WWOX: variants seen among roughly 807,000 people sequenced by gnomAD.
WWOX encodes the protein WW domain-containing oxidoreductase.
WWOX carries 69 observed loss-of-function variants against 46.2 expected under a neutral mutation model. The ratio of observed to expected loss-of-function variants is 1.49; its 90% CI spans 1.23 to 1.82. The LOEUF (loss-of-function observed/expected upper bound fraction) is 1.82. Among genes scored for constraint, WWOX ranks in the 40% most tolerant of loss-of-function variants. The probability of loss-of-function intolerance (pLI) is 0.00; values close to 1 mark genes in which losing one functional copy is unlikely to be tolerated. For synonymous variants in WWOX, 359 were observed against 202.6 expected, an observed-to-expected ratio of 1.77 and a Z score of -6.56; for missense variants, 919 against 542.6, an observed-to-expected ratio of 1.69 and a Z score of -6.89.
chr16:78,572,131 T>C (rs1450710997), intron 8 of WWOX, among the ~76,000 whole-genome samples: 2 of 152,200 alleles, frequency 1.3e-5, no homozygotes, highest in Admixed American at 6.5e-5. Flanking sequence ...GGAATGTTTC[T>C]GGTGCATAAT....
At chr16:78,675,850 T>C (rs764309280) in intron 8 of WWOX, among the ~76,000 whole-genome samples, 9 of 152,008 alleles carry the variant, frequency 5.9e-5, no homozygotes, top group Non-Finnish European at 2.9e-5. Flanking sequence ...TTTTTTTAAA[T>C]CATGACTTTT....
chr16:78,438,736 C>T (rs910061945), intron 8 of WWOX, among the ~76,000 whole-genome samples: 2 of 152,124 alleles, frequency 1.3e-5, no homozygotes, highest in South Asian at 4.1e-4. Flanking sequence ...GGAACTTCTG[C>T]GACGATCGGG....
At chr16:78,312,279 CTT>C (rs1033775111) in intron 5 of WWOX, among the ~76,000 whole-genome samples, 24 of 151,594 alleles carry the variant, frequency 1.6e-4, no homozygotes, top group Non-Finnish European at 1.6e-4. Flanking sequence ...TTTACAGTAT[CTT>C]TTGTAGGGGG....
Position 78,813,706 on chromosome 16 carries a change from T to A in WWOX, c.1056+380954T>A, listed in dbSNP as rs369615435. 2.6e-4 allele frequency among the ~76,000 whole-genome samples: 39 copies of A among 152,318 alleles called. No homozygotes were observed. The South Asian group carries it at 7.5e-3, about 29-fold the overall frequency. ...TCACATTCATTCGATGTTTGTTTTC[T>A]ACTACCTGATACTTACTGCTTTCTC... is the stretch of plus-strand genomic sequence containing the variant. On this transcript the variant is annotated intron_variant, in intron 8 of 8. Transcript: ENST00000566780.
chr16:78,249,003 C>T (rs1451827266), intron 5 of WWOX, among the ~76,000 whole-genome samples: 2 of 151,576 alleles, frequency 1.3e-5, no homozygotes, highest in East Asian at 3.9e-4. Context: ...ACTACAGGCA[C>T]GTGCCACCAT....
chr16:78,697,025 T>C (rs375146874), intron 8 of WWOX, among the ~76,000 whole-genome samples: 3 of 152,246 alleles, frequency 2.0e-5, no homozygotes, highest in East Asian at 1.9e-4. Flanking sequence ...TAGTATTCCA[T>C]TGTATATTTA....
intron 8 of WWOX, among the ~76,000 whole-genome samples, chr16:78,710,473 C>CATATATATATATATATTTATATAA (rs2048415940): frequency 3.1e-5 from 2 of 63,590 alleles, no homozygotes; most frequent in Non-Finnish European, 6.4e-5. Flanking sequence ...TAATGGATCT[C>CATATATATATATATATTTATATAA]ATATATATAT....
chr16:79,081,079 G>C lies in WWOX; in HGVS notation c.1057-130529G>C, dbSNP rs1341861543. ...AACTATTATATTATAGAAGTTTTTTGGTATAGCTGCCAGGGGTCATTGTTT... is the reference window on the plus strand; with the variant it reads ...AACTATTATATTATAGAAGTTTTTTCGTATAGCTGCCAGGGGTCATTGTTT... On this transcript the variant is annotated intron_variant, in intron 8 of 8. Coordinates refer to ENST00000566780, the MANE Select transcript of WWOX (RefSeq NM_016373.4). Among the ~76,000 whole-genome samples the C allele has an allele frequency of 4.6e-5, 7 of 152,164 alleles. No individual in the cohort carries two copies. In the East Asian group the frequency reaches 1.4e-3, roughly 29 times the overall value.
chr16:79,090,275 G>A (rs961287384), intron 8 of WWOX, among the ~76,000 whole-genome samples: 2 of 128,730 alleles, frequency 1.6e-5, no homozygotes, highest in African/African-American at 6.5e-5. Flanking sequence ...AGATTCTACT[G>A]TGTGCGTGTG....
At chr16:78,401,968 G>T (rs1281519472) in intron 6 of WWOX, among the ~76,000 whole-genome samples, 1 of 152,110 alleles carries the variant, frequency 6.6e-6, no homozygotes, top group Non-Finnish European at 1.5e-5. Flanking sequence ...CAAAGTGCTG[G>T]GATTACAGGC....
At chr16:79,082,228 A>C (rs73575130) in intron 8 of WWOX, among the ~76,000 whole-genome samples, 3,007 of 152,302 alleles carry the variant, frequency 0.02, 116 homozygotes, top group African/African-American at 0.067. Context: ...CAATATTAAT[A>C]TATGTCGCCT....
At chr16:79,183,091 C>T (rs981041578) in intron 8 of WWOX, among the ~76,000 whole-genome samples, 104 of 152,364 alleles carry the variant, frequency 6.8e-4, no homozygotes, top group African/African-American at 2.5e-3. Context: ...ACTATGGGTA[C>T]TCCACTGCTG....
intron 8 of WWOX, among the ~76,000 whole-genome samples, chr16:78,451,052 C>T (rs2083678824): frequency 1.3e-5 from 2 of 152,160 alleles, no homozygotes; most frequent in African/African-American, 4.8e-5. Flanking sequence ...GTTTGCTTTC[C>T]CGTTATACTT....
At chr16:78,354,333 G>C (rs139474935) in intron 5 of WWOX, among the ~76,000 whole-genome samples, 379 of 21,046 alleles carry the variant, frequency 0.018, 3 homozygotes, top group African/African-American at 0.082. Flanking sequence ...TTTTGGTCAG[G>C]TGTGTAGGTA....
intron 8 of WWOX, among the ~76,000 whole-genome samples, chr16:78,915,923 A>G (rs1450188547): frequency 2.0e-5 from 3 of 152,228 alleles, no homozygotes; most frequent in Non-Finnish European, 2.9e-5. Context: ...TTCTTCACAC[A>G]CAAAACACCC....
At chr16:78,836,804 C>A (rs2051997498) in intron 8 of WWOX, among the ~76,000 whole-genome samples, 2 of 152,184 alleles carry the variant, frequency 1.3e-5, no homozygotes, top group South Asian at 2.1e-4. Context: ...CACCAAAAGC[C>A]CCTGTGGTTT....
At chr16:78,992,126 A>T (rs536529123) in intron 8 of WWOX, among the ~76,000 whole-genome samples, 84 of 152,276 alleles carry the variant, frequency 5.5e-4, no homozygotes, top group African/African-American at 1.8e-3. Flanking sequence ...GCAATGAGTG[A>T]AAGGTAATCC....
intron 4 of WWOX, among the ~76,000 whole-genome samples, chr16:78,138,090 C>T (rs1416534718): frequency 6.6e-6 from 1 of 150,620 alleles, no homozygotes; most frequent in Non-Finnish European, 1.5e-5. Flanking sequence ...TCTTGGCCAA[C>T]TGTCTAAATG....
chr16:78,692,342 C>G (rs1271718249), intron 8 of WWOX, among the ~76,000 whole-genome samples: 3 of 152,190 alleles, frequency 2.0e-5, no homozygotes, highest in Non-Finnish European at 4.4e-5. Context: ...CTTAAAGAAA[C>G]CATAGCTTCC....
Sources: gnomAD v4.1 joint callset for allele counts (sites outside exome capture counted in the v4.1 genomes callset) on GRCh38, gnomAD v4.1.1 for gene constraint, MANE v1.5 for transcripts, NCBI Gene and HGNC (gene_info 2026-07-23, HGNC 2026-07-21) for gene names.